DNAH14: variants seen among roughly 807,000 people sequenced by gnomAD.
DNAH14 encodes the protein dynein axonemal heavy chain 14.
DNAH14 carries 478 observed loss-of-function variants against 520.9 expected under a neutral mutation model. That is an observed-to-expected ratio of 0.92 (90% confidence interval 0.85 to 0.99). DNAH14 has a LOEUF of 0.99. Ranked by LOEUF, DNAH14 falls within the 50% of genes least tolerant of loss-of-function variation. The pLI is 0.00. For synonymous variants in DNAH14, 1,581 were observed against 1,757.2 expected, an observed-to-expected ratio of 0.90 and a Z score of 2.51; for missense variants, 4,831 against 5,234.5, an observed-to-expected ratio of 0.92 and a Z score of 2.38.
chr1:225,345,829 A>T, intron 69 of DNAH14, 133 bp from the exon 70 acceptor site: 1 of 660,182 alleles, frequency 1.5e-6, no homozygotes, highest in Non-Finnish European at 2.5e-6. Context: ...AACTTCATTT[A>T]AGAGCCCGTC....
In DNAH14 at chr1:225,201,009, C is replaced by T. The variant is rs557988741; in HGVS notation, c.5887-3174C>T. 2.0e-4 allele frequency among the ~76,000 whole-genome samples: 30 copies of T among 151,898 alleles called. No individual in the cohort carries two copies. The East Asian group carries it at 3.7e-3, about 19-fold the overall frequency. On this transcript the variant is annotated intron_variant, in intron 38 of 85. Transcript: ENST00000682510. ...AACACCAATTATTCTTAGGTTTGGT[C>T]ATTTAACATAATCCCAGACTTCTTG...
intron 37 of DNAH14, among the ~76,000 whole-genome samples, chr1:225,191,533 CT>C (rs1403148433): frequency 2.6e-5 from 4 of 151,846 alleles, no homozygotes; most frequent in Non-Finnish European, 5.9e-5. Context: ...ATGTGTGGAT[CT>C]CTTTGTGTTT....
At chr1:225,234,954 A>G (rs2091465166) in intron 42 of DNAH14, among the ~76,000 whole-genome samples, 1 of 152,150 alleles carries the variant, frequency 6.6e-6, no homozygotes, top group Non-Finnish European at 1.5e-5. Flanking sequence ...GGCTGAGATG[A>G]TGGGGTTTTC....
At chr1:225,098,231 A>G (rs910052513) in intron 22 of DNAH14, among the ~76,000 whole-genome samples, 15 of 150,862 alleles carry the variant, frequency 9.9e-5, no homozygotes, top group Non-Finnish European at 1.3e-4. Context: ...TATTACTATT[A>G]CTTTGAGCCA....
At chr1:225,239,136 A>G (rs2091810307) in intron 42 of DNAH14, among the ~76,000 whole-genome samples, 3 of 152,156 alleles carry the variant, frequency 2.0e-5, no homozygotes, top group African/African-American at 7.2e-5. Context: ...CCAGAGAACG[A>G]TGCTGTTTGG....
intron 73 of DNAH14, among the ~76,000 whole-genome samples, chr1:225,355,507 G>A (rs571977537): frequency 5.3e-4 from 80 of 152,170 alleles, no homozygotes; most frequent in Middle Eastern, 3.4e-3. Context: ...CGAGGGCAGA[G>A]CCCCCATGAC....
intron 71 of DNAH14, among the ~76,000 whole-genome samples, chr1:225,348,422 A>G (rs976980486): frequency 1.3e-5 from 2 of 152,202 alleles, no homozygotes; most frequent in African/African-American, 4.8e-5. Flanking sequence ...ACACCAAGAC[A>G]CATTATAATC....
Position 225,324,918 on chromosome 1 carries a change from G to T in DNAH14, c.9723+86G>T, listed in dbSNP as rs987971024. ...AGGAGAGCTTATCAGTTTCAGATAA[G>T]ATGGAAATAATAATATAGGTAGTGA... On this transcript the variant is annotated intron_variant, in intron 64 of 85. Coordinates refer to ENST00000682510, the MANE Select transcript of DNAH14 (RefSeq NM_001367479.1). 9 of 966,486 alleles carry T rather than the reference G, an allele frequency of 9.3e-6. No individual in the cohort carries two copies. In the African/African-American group the frequency reaches 1.3e-4, roughly 14 times the overall value. 59.9% of individuals were successfully genotyped at this position (966,486 alleles called of 1,614,324 possible). A position where few individuals can be genotyped will look rare whatever the true frequency, so the allele number is the denominator to read the frequency against.
intron 35 of DNAH14, among the ~76,000 whole-genome samples, chr1:225,166,930 CCTGT>C (rs1417559511): frequency 6.6e-6 from 1 of 152,146 alleles, no homozygotes. Context: ...GGTGGGATAA[CCTGT>C]CTGAGTATCT....
At chr1:225,261,227 G>A (rs2092924589) in intron 46 of DNAH14, among the ~76,000 whole-genome samples, 1 of 152,168 alleles carries the variant, frequency 6.6e-6, no homozygotes, top group South Asian at 2.1e-4. Context: ...TGATCACAGA[G>A]GAATAGCTTT....
chr1:225,034,743 A>G (rs77073559), intron 11 of DNAH14, among the ~76,000 whole-genome samples: 1 of 152,186 alleles, frequency 6.6e-6, no homozygotes, highest in East Asian at 1.9e-4. Context: ...TACTGATTCA[A>G]TTTTAGAGCT....
At chr1:224,962,397 G>A (rs2060901555) in intron 4 of DNAH14, among the ~76,000 whole-genome samples, 1 of 152,194 alleles carries the variant, frequency 6.6e-6, no homozygotes, top group Admixed American at 6.5e-5. Context: ...AGAAGCAGTA[G>A]CAGAGGCCCT....
intron 36 of DNAH14, among the ~76,000 whole-genome samples, chr1:225,176,365 T>C (rs1470655348): frequency 1.3e-5 from 2 of 152,214 alleles, no homozygotes; most frequent in Non-Finnish European, 2.9e-5. Flanking sequence ...GTTTTGTGGC[T>C]TAATATATGG....
chr1:225,169,342 T>A (rs1244831538), intron 36 of DNAH14, among the ~76,000 whole-genome samples: 1 of 152,100 alleles, frequency 6.6e-6, no homozygotes, highest in Admixed American at 6.6e-5. Context: ...ATGATCAAAC[T>A]TCTCCAAGCT....
intron 81 of DNAH14, among the ~76,000 whole-genome samples, chr1:225,382,663 G>T (rs898992609): frequency 7.9e-5 from 12 of 151,732 alleles, no homozygotes; most frequent in Admixed American, 6.6e-5. Context: ...GCAGTGAACT[G>T]AGATCATGCC....
chr1:225,058,206 G>C (rs1467128383), intron 17 of DNAH14, among the ~76,000 whole-genome samples: 1 of 152,166 alleles, frequency 6.6e-6, no homozygotes, highest in Non-Finnish European at 1.5e-5. Flanking sequence ...CTCAATTTCA[G>C]AGCCTGTTAC....
At chr1:225,347,963 G>C (rs114764760) in intron 71 of DNAH14, among the ~76,000 whole-genome samples, 1 of 151,998 alleles carries the variant, frequency 6.6e-6, no homozygotes, top group African/African-American at 2.4e-5. Flanking sequence ...ATAAATAACA[G>C]AGAACTAAAT....
At chr1:224,945,819 G>C (rs969496796) in intron 1 of DNAH14, among the ~76,000 whole-genome samples, 4 of 152,296 alleles carry the variant, frequency 2.6e-5, no homozygotes, top group African/African-American at 9.6e-5. Context: ...TTGGTGAACA[G>C]CAAATGTTGC....
At chr1:225,242,181 C>T (rs112633209) in intron 43 of DNAH14, among the ~76,000 whole-genome samples, 1,812 of 152,202 alleles carry the variant, frequency 0.012, 19 homozygotes, top group Non-Finnish European at 0.02. Context: ...CTGCAGTGAG[C>T]CATGATTGTG....
Sources: allele counts gnomAD v4.1 joint callset (sites outside exome capture counted in the v4.1 genomes callset), GRCh38; gene constraint gnomAD v4.1.1; transcripts MANE v1.5; gene names NCBI Gene and HGNC (gene_info 2026-07-23, HGNC 2026-07-21).